EPN2: variants seen among roughly 807,000 people sequenced by gnomAD.
The protein encoded by EPN2 is epsin 2, also known as epsin-2.
Under a neutral mutation model 61.7 loss-of-function variants are expected in EPN2, and 34 were observed. That is an observed-to-expected ratio of 0.55 (90% confidence interval 0.42 to 0.73). EPN2 has a LOEUF of 0.73. EPN2 is among the 30% of genes least tolerant of loss of function. The probability of loss-of-function intolerance (pLI) is 0.00; values close to 1 mark genes in which losing one functional copy is unlikely to be tolerated. For missense variants in EPN2, 714 were observed against 839.2 expected (o/e 0.85, Z 1.84); for synonymous variants, 349 against 353.6 (o/e 0.99, Z 0.15).
At chr17:19,319,248 A>G (rs1031726345) in intron 7 of EPN2, among the ~76,000 whole-genome samples, 2 of 152,134 alleles carry the variant, frequency 1.3e-5, no homozygotes, top group Non-Finnish European at 1.5e-5. Context: ...ACTCTTAAAG[A>G]TATAAACCTA....
Position 19,319,589 on chromosome 17 carries a change from C to G in EPN2, c.1147+6310C>G, listed in dbSNP as rs534767511. Among the ~76,000 whole-genome samples, 6 of 152,130 alleles carry G rather than the reference C, an allele frequency of 3.9e-5. No individual in the cohort carries two copies. The South Asian group carries it at 1.2e-3, about 32-fold the overall frequency. The stretch of plus-strand genomic sequence containing the variant: ...CTCATGATCCACCTGCCTTGGCCTG[C>G]CAAAGTGCTAGGATTACAGGCGTGA... On this transcript the variant is annotated intron_variant, in intron 7 of 10. Coordinates refer to ENST00000314728, the MANE Select transcript of EPN2 (RefSeq NM_014964.5).
chr17:19,279,574 G>T (rs987644853), intron 1 of EPN2, among the ~76,000 whole-genome samples: 1 of 151,520 alleles, frequency 6.6e-6, no homozygotes, highest in African/African-American at 2.4e-5. Context: ...AAGTAGCTGG[G>T]ACTACAGGCG....
chr17:19,294,957 T>C (rs774484386), intron 4 of EPN2, among the ~76,000 whole-genome samples: 8 of 151,152 alleles, frequency 5.3e-5, no homozygotes, highest in Admixed American at 4.0e-4. Context: ...CAGGAGGCAT[T>C]AAAAAAAAAT....
At chr17:19,251,742 G>C (rs2045018210) in intron 1 of EPN2, among the ~76,000 whole-genome samples, 1 of 152,114 alleles carries the variant, frequency 6.6e-6, no homozygotes, top group South Asian at 2.1e-4. Context: ...CCAGGTAGTT[G>C]AGTGTTGAGC....
At chr17:19,330,022 G>A (rs1402043135) in intron 9 of EPN2, among the ~76,000 whole-genome samples, 1 of 152,188 alleles carries the variant, frequency 6.6e-6, no homozygotes, top group Non-Finnish European at 1.5e-5. Flanking sequence ...GCATCAGTGG[G>A]GCCAGCCTCT....
intron 4 of EPN2, among the ~76,000 whole-genome samples, chr17:19,295,717 C>A (rs1004118330): frequency 6.6e-6 from 1 of 151,964 alleles, no homozygotes. Flanking sequence ...CCTTTTTTCC[C>A]TAAATCACTA....
chr17:19,265,100 G>T (rs150753847), intron 1 of EPN2, among the ~76,000 whole-genome samples: 130 of 152,266 alleles, frequency 8.5e-4, no homozygotes, highest in African/African-American at 3.0e-3. Flanking sequence ...CAGTGACCAA[G>T]AAGGTCCGGT....
chr17:19,256,189 G>C (rs1352208525), intron 1 of EPN2, among the ~76,000 whole-genome samples: 2 of 151,948 alleles, frequency 1.3e-5, no homozygotes, highest in Non-Finnish European at 2.9e-5. Flanking sequence ...TGCCCACCTT[G>C]GCCTCCCAAA....
At chr17:19,281,252 T>C (rs72836768) in intron 1 of EPN2, among the ~76,000 whole-genome samples, 7,137 of 152,250 alleles carry the variant, frequency 0.047, 222 homozygotes, top group East Asian at 0.11. Context: ...CCTGCCTTGG[T>C]CTTTCTGGTA....
At chr17:19,273,141 C>G (rs532503795) in intron 1 of EPN2, 13 of 152,328 alleles carry the variant, frequency 8.5e-5, no homozygotes, top group Admixed American at 6.5e-4. Context: ...CAGTGGCTCT[C>G]AGATCCTGGG....
At chr17:19,268,219 C>T (rs890840876) in intron 1 of EPN2, among the ~76,000 whole-genome samples, 1 of 152,188 alleles carries the variant, frequency 6.6e-6, no homozygotes, top group African/African-American at 2.4e-5. Flanking sequence ...CACCCAGTTG[C>T]AGTGTTTTGT....
At chr17:19,278,086 A>AG (rs71155387) in intron 1 of EPN2, among the ~76,000 whole-genome samples, 75 of 151,182 alleles carry the variant, frequency 5.0e-4, no homozygotes, top group African/African-American at 1.7e-3. Context: ...AAAAAAAAAA[A>AG]GAAAATGAAA....
At position 19,328,874 on chromosome 17, in the gene EPN2, C is replaced by T. The variant is rs554361347; in HGVS notation, c.1311C>T (p.Pro437=). 9.3e-6 allele frequency: 15 copies of T among 1,611,356 alleles called. No homozygotes were observed. The highest frequency in any genetic ancestry group is 4.4e-5 in the South Asian group (4 of 90,540). The change falls in exon 8 of 11, where the codon CCC becomes CCT. Residue 437 remains proline, a synonymous_variant. Coordinates refer to ENST00000314728, the MANE Select transcript of EPN2 (RefSeq NM_014964.5). ...GGGGCGCAGTCTCCACCACCAAGCC[C>T]GTGTCTGTCTCTGGTGAGCCCCTCA... ...DAWGAVSTTK[P]VSVSGSFELF...
intron 1 of EPN2, among the ~76,000 whole-genome samples, chr17:19,278,780 C>T (rs2045333315): frequency 6.6e-6 from 1 of 152,200 alleles, no homozygotes; most frequent in Admixed American, 6.5e-5. Context: ...ACCCAGGTAG[C>T]TGGGATTCCA....
At chr17:19,320,393 C>T (rs1213663808) in intron 7 of EPN2, among the ~76,000 whole-genome samples, 1 of 152,150 alleles carries the variant, frequency 6.6e-6, no homozygotes, top group African/African-American at 2.4e-5. Flanking sequence ...TTGTCTCCAC[C>T]ACGCATCTGC....
At chr17:19,247,596 A>G (rs2044967172) in intron 1 of EPN2, among the ~76,000 whole-genome samples, 1 of 152,216 alleles carries the variant, frequency 6.6e-6, no homozygotes, top group Non-Finnish European at 1.5e-5. Flanking sequence ...TGGCTCCTGC[A>G]GCTGGTGACG....
chr17:19,245,320 T>C (rs901039078), intron 1 of EPN2, among the ~76,000 whole-genome samples: 1 of 152,182 alleles, frequency 6.6e-6, no homozygotes, highest in East Asian at 1.9e-4. Context: ...TTTTACTTTG[T>C]GATCCTGCAG....
intron 7 of EPN2, among the ~76,000 whole-genome samples, chr17:19,314,124 T>A (rs1906274336): frequency 6.6e-6 from 1 of 152,210 alleles, no homozygotes; most frequent in Non-Finnish European, 1.5e-5. Flanking sequence ...ATGTACCAAG[T>A]GACAGGCTGT....
intron 5 of EPN2, among the ~76,000 whole-genome samples, chr17:19,310,666 G>A (rs1051377043): frequency 5.2e-5 from 7 of 133,894 alleles, no homozygotes; most frequent in South Asian, 4.9e-4. Context: ...AGACCTCCGC[G>A]TCCTGGGTTC....
Sources: allele counts gnomAD v4.1 joint callset (sites outside exome capture counted in the v4.1 genomes callset), GRCh38; gene constraint gnomAD v4.1.1; transcripts MANE v1.5; gene names NCBI Gene and HGNC (gene_info 2026-07-23, HGNC 2026-07-21).